ZNF835: variants seen among roughly 807,000 people sequenced by gnomAD.
The protein encoded by ZNF835 is zinc finger protein 835.
For missense variants in ZNF835, 783 were observed against 758.4 expected (o/e 1.03, Z -0.38); for synonymous variants, 323 against 324.7 (o/e 0.99, Z 0.06).
intron 1 of ZNF835, among the ~76,000 whole-genome samples, chr19:56,666,122 A>AT (rs947209663): frequency 3.7e-4 from 55 of 149,756 alleles, no homozygotes; most frequent in Admixed American, 1.2e-3. Context: ...GGACTGTTTT[A>AT]TTTTTTTTTT....
chr19:56,670,862 G>A (rs2045283819), intron 1 of ZNF835, among the ~76,000 whole-genome samples: 1 of 152,210 alleles, frequency 6.6e-6, no homozygotes, highest in Non-Finnish European at 1.5e-5. Flanking sequence ...GCACACGTGG[G>A]GTCACACACC....
intron 1 of ZNF835, among the ~76,000 whole-genome samples, chr19:56,668,816 G>A (rs1568526194): frequency 6.6e-6 from 1 of 152,062 alleles, no homozygotes; most frequent in African/African-American, 2.4e-5. Flanking sequence ...GTGCTGGTAA[G>A]AACTTGCTGG....
rs2065105340 is a variant in ZNF835, at chr19:56,671,717, A to T, written c.-189T>A. 1 of 152,280 alleles carries T rather than the reference A, an allele frequency of 6.6e-6. No individual in the cohort carries two copies. The highest frequency in any genetic ancestry group is 2.1e-4 in the South Asian group (1 of 4,836). 9.4% of individuals were successfully genotyped at this position (152,280 alleles called of 1,614,324 possible). ...GGTGCCTCCTTCCTTAGACGAGCTA[A>T]GGTCAAGACTTCTGCTGCTGCGGAG... is the stretch of plus-strand genomic sequence containing the variant. On this transcript the variant is annotated 5_prime_UTR_variant, in exon 1 of 2. Coordinates refer to ENST00000537055, the MANE Select transcript of ZNF835 (RefSeq NM_001005850.3).
chr19:56,664,741 A>G lies in ZNF835; in HGVS notation c.458T>C (p.Leu153Pro), dbSNP rs570568691. ...CGTGTGCGTGCGCTGGTGCAGGGTC[A>G]GGTGCACGCTCTGGCTGAAGGCCTT... ...CGKAFSQSVHLTLHQRTHTGE... is the reference protein window; with the variant it reads ...CGKAFSQSVHPTLHQRTHTGE... The change falls in exon 2 of 2, where the codon CTG (leucine) becomes CCG (proline). Residue 153 changes from leucine (L) to proline (P), a missense_variant. Leu to Pro is a moderately conservative substitution (Grantham distance 98). Transcript: ENST00000537055. 1.6e-5 allele frequency: 26 copies of G among 1,612,038 alleles called. No homozygotes were observed. Among genetic ancestry groups the G allele is most frequent in the South Asian group, 1.1e-4 (10 of 90,810 alleles).
chr19:56,664,899 C>T lies in ZNF835; in HGVS notation c.300G>A (p.Arg100=), dbSNP rs372286861. ...GCTTCTTGGGGCCTCCACCTCTCTC[C>T]CGCTGGCGGCTGTCAGGATGCCTCT... ...PKERHPDSRQ[R]ERGGGPKKPW... The change falls in exon 2 of 2, where the codon CGG becomes CGA. Residue 100 remains arginine, a synonymous_variant. Coordinates refer to ENST00000537055, the MANE Select transcript of ZNF835 (RefSeq NM_001005850.3). 8 of 1,613,844 alleles carry T rather than the reference C, an allele frequency of 5.0e-6. No homozygotes were observed. The African/African-American group carries it at 9.3e-5, about 19-fold the overall frequency.
chr19:56,662,859 A>G lies in ZNF835; in HGVS notation c.*726T>C, dbSNP rs1388799618. 1 of 152,170 alleles carries G rather than the reference A, an allele frequency of 6.6e-6. No homozygotes were observed. The highest frequency in any genetic ancestry group is 1.5e-5 in the Non-Finnish European group (1 of 68,058). The allele number at this position is 152,170 out of a possible 1,614,324, so 9.4% of individuals were successfully genotyped here. On this transcript the variant is annotated 3_prime_UTR_variant, in exon 2 of 2. Coordinates refer to ENST00000537055, the MANE Select transcript of ZNF835 (RefSeq NM_001005850.3). ...GCCAACATGGTGAAACCCTGCCTCTACTAAAAATACAAAAATTAGGCTGGG... is the reference window on the plus strand; with the variant it reads ...GCCAACATGGTGAAACCCTGCCTCTGCTAAAAATACAAAAATTAGGCTGGG...
rs376408719 is a variant in ZNF835 at position 56,663,570 on chromosome 19, G to A, written c.*15C>T. 1 of 1,613,742 alleles carries A rather than the reference G, an allele frequency of 6.2e-7. No individual in the cohort carries two copies. Reference sequence around the variant, plus strand: ...CCCCATAGCATTGTGAGGTTGGAAAGGAGGCCCTCAGCTCTTAATCTTCTG... The same window carrying A: ...CCCCATAGCATTGTGAGGTTGGAAAAGAGGCCCTCAGCTCTTAATCTTCTG... On this transcript the variant is annotated 3_prime_UTR_variant, in exon 2 of 2. Transcript: ENST00000537055.
At position 56,663,848 on chromosome 19, in the gene ZNF835, A is replaced by C. The variant is rs757448746; in HGVS notation, c.1351T>G (p.Cys451Gly). Reference sequence around the variant, plus strand: ...GAGCGGTTGCTGAAGGCCTTGCCGCACTCGGGGCAGGTGTAGGGCCGCTCG... The same window carrying C: ...GAGCGGTTGCTGAAGGCCTTGCCGCCCTCGGGGCAGGTGTAGGGCCGCTCG... ...TGERPYTCPECGKAFSNRSYL... is the reference protein window; with the variant it reads ...TGERPYTCPEGGKAFSNRSYL... Residue 451 changes from cysteine to glycine, a missense_variant, in exon 2 of 2, where the codon TGC (cysteine) becomes GGC (glycine). By Grantham distance (159) the Cys-to-Gly change is radical. Coordinates refer to ENST00000537055, the MANE Select transcript of ZNF835 (RefSeq NM_001005850.3). 6.2e-7 allele frequency: 1 copy of C among 1,613,400 alleles called. No individual in the cohort carries two copies. Among genetic ancestry groups the C allele is most frequent in the African/African-American group, 1.3e-5 (1 of 74,828 alleles).
rs367792045 is a variant in ZNF835 at position 56,664,053 on chromosome 19, G to C, written c.1146C>G (p.Leu382=). The change falls in exon 2 of 2, where the codon CTC becomes CTG. Residue 382 remains leucine (L), a synonymous_variant. Transcript: ENST00000537055. ...SNRSHLLQHR[L]VHTGERPYRC... is the part of the protein sequence containing the mutation. ...TGTAGGGCCGCTCACCGGTGTGCAC[G>C]AGGCGGTGCTGGAGGAGGTGGGAGC... The C allele has an allele frequency of 6.2e-7, 1 of 1,611,614 alleles. No individual in the cohort carries two copies. The highest frequency in any genetic ancestry group is 8.5e-7 in the Non-Finnish European group (1 of 1,179,274).
chr19:56,666,794 CACTT>C, intron 1 of ZNF835, among the ~76,000 whole-genome samples: 1 of 152,292 alleles, frequency 6.6e-6, no homozygotes, highest in Admixed American at 6.5e-5. Context: ...CCAGGGGGCT[CACTT>C]ACTCTCTGCT....
At chr19:56,670,333 T>A (rs1312128023) in intron 1 of ZNF835, among the ~76,000 whole-genome samples, 1 of 152,046 alleles carries the variant, frequency 6.6e-6, no homozygotes, top group Non-Finnish European at 1.5e-5. Flanking sequence ...GGAAGACACA[T>A]GCATTACATC....
chr19:56,664,861 C>T lies in ZNF835; in HGVS notation c.338G>A (p.Gly113Glu), dbSNP rs200439074. The change falls in exon 2 of 2, where the codon GGG (glycine) becomes GAG (glutamate). Residue 113 changes from glycine to glutamate, a missense_variant. Gly to Glu is a moderately conservative substitution (Grantham distance 98). Coordinates refer to ENST00000537055, the MANE Select transcript of ZNF835 (RefSeq NM_001005850.3). ...GGGPKKPWKC[G>E]DCGKAFSYCS... ...GTAGCTGAAGGCCTTCCCGCAGTCC[C>T]CGCATTTCCACGGCTTCTTGGGGCC... 1.2e-6 allele frequency: 2 copies of T among 1,613,912 alleles called. No homozygotes were observed. Among genetic ancestry groups the T allele is most frequent in the South Asian group, 1.1e-5 (1 of 91,090 alleles).
rs761190921 is a variant in ZNF835 at position 56,663,595 on chromosome 19, G to A, written c.1604C>T (p.Ala535Val). 3.1e-6 allele frequency: 5 copies of A among 1,614,026 alleles called. No homozygotes were observed. The East Asian group carries it at 8.9e-5, about 29-fold the overall frequency. ...GGAGGCCCTCAGCTCTTAATCTTCT[G>A]CTGGTCCACGCGGGTTTCTGCCAGG... Reference protein sequence around the residue: ...GCPGRNPRGPAED With the variant: ...GCPGRNPRGPVED The change falls in exon 2 of 2, where the codon GCA becomes GTA. Residue 535 changes from alanine to valine, a missense_variant. Transcript: ENST00000537055.
chr19:56,664,053 G>A lies in ZNF835; in HGVS notation c.1146C>T (p.Leu382=), dbSNP rs367792045. ...SNRSHLLQHR[L]VHTGERPYRC... ...TGTAGGGCCGCTCACCGGTGTGCAC[G>A]AGGCGGTGCTGGAGGAGGTGGGAGC... The change falls in exon 2 of 2, where the codon CTC becomes CTT. Residue 382 remains leucine (L), a synonymous_variant. Transcript: ENST00000537055. 234 of 1,611,498 alleles carry A rather than the reference G, an allele frequency of 1.5e-4. No individual in the cohort carries two copies. The highest frequency in any genetic ancestry group is 1.9e-4 in the Non-Finnish European group (220 of 1,179,284).
Position 56,664,664 on chromosome 19 carries a change from A to T in ZNF835, c.535T>A (p.Ser179Thr), listed in dbSNP as rs2045227260. Residue 179 changes from serine to threonine, a missense_variant, in exon 2 of 2, where the codon TCG becomes ACG. Coordinates refer to ENST00000537055, the MANE Select transcript of ZNF835 (RefSeq NM_001005850.3). ...HECGKAFSQGSYLASHWRTHT... is the reference protein window; with the variant it reads ...HECGKAFSQGTYLASHWRTHT... ...GTGCGCCAGTGGGACGCCAGGTACGAGCCCTGGCTGAAGGCCTTGCCGCAC... is the reference window on the plus strand; with the variant it reads ...GTGCGCCAGTGGGACGCCAGGTACGTGCCCTGGCTGAAGGCCTTGCCGCAC... The T allele has an allele frequency of 6.2e-7, 1 of 1,609,204 alleles. No individual in the cohort carries two copies. Among genetic ancestry groups the T allele is most frequent in the South Asian group, 1.1e-5 (1 of 90,818 alleles).
intron 1 of ZNF835, among the ~76,000 whole-genome samples, chr19:56,667,700 G>C (rs2045257606): frequency 6.6e-6 from 1 of 152,242 alleles, no homozygotes; most frequent in Non-Finnish European, 1.5e-5. Flanking sequence ...CTTCCTGTGT[G>C]AGATCCTAAC....
chr19:56,664,184 A>G lies in ZNF835; in HGVS notation c.1015T>C (p.Cys339Arg), dbSNP rs2045216686. 2.5e-6 allele frequency: 4 copies of G among 1,610,612 alleles called. No homozygotes were observed. The highest frequency in any genetic ancestry group is 3.4e-6 in the Non-Finnish European group (4 of 1,178,874). Residue 339 changes from cysteine (C) to arginine (R), a missense_variant, in exon 2 of 2, where the codon TGC becomes CGC. Coordinates refer to ENST00000537055, the MANE Select transcript of ZNF835 (RefSeq NM_001005850.3). ...GACACCTGGGTGAAGGCCTTGGCGC[A>G]CTGGCCGCACGCGTAGGGCTTCTCG... is the stretch of plus-strand genomic sequence containing the variant. Reference protein sequence around the residue: ...TGEKPYACGQCAKAFTQVSHL... With the variant: ...TGEKPYACGQRAKAFTQVSHL...
Position 56,663,914 on chromosome 19 carries a change from G to GA in ZNF835, c.1284_1285insT (p.Gln429SerfsTer82). The GA allele has an allele frequency of 6.2e-7, 1 of 1,612,364 alleles. No homozygotes were observed. Among genetic ancestry groups the GA allele is most frequent in the Non-Finnish European group, 8.5e-7 (1 of 1,179,484 alleles). On this transcript the variant is annotated frameshift_variant, in exon 2 of 2. Coordinates refer to ENST00000537055, the MANE Select transcript of ZNF835 (RefSeq NM_001005850.3). LOFTEE classifies it low-confidence loss of function (END_TRUNC). ...TGGTGCAGGGCGAGCGAGGAGCCCTGGCTGAAAGCTTTGCCGCACTCGCCG... is the reference window on the plus strand; with the variant it reads ...TGGTGCAGGGCGAGCGAGGAGCCCTGAGCTGAAAGCTTTGCCGCACTCGCCG...
At chr19:56,666,240 G>A (rs555971379) in intron 1 of ZNF835, among the ~76,000 whole-genome samples, 1 of 152,244 alleles carries the variant, frequency 6.6e-6, no homozygotes, top group East Asian at 1.9e-4. Flanking sequence ...CTGAGTAGTT[G>A]GGACTACAGG....
Sources: gnomAD v4.1 joint callset for allele counts (sites outside exome capture counted in the v4.1 genomes callset) on GRCh38, gnomAD v4.1.1 for gene constraint, MANE v1.5 for transcripts, NCBI Gene and HGNC (gene_info 2026-07-23, HGNC 2026-07-21) for gene names.